Variants in KCNMA1 observed in about 807,000 individuals in gnomAD.
KCNMA1 encodes the protein Calcium-activated potassium channel subunit alpha-1.
In KCNMA1, 29 loss-of-function variants were observed where a neutral mutation model predicts 140.0. The observed-to-expected ratio is 0.21, with a 90% CI of 0.15 to 0.28. KCNMA1 has a LOEUF of 0.28. Ranked by LOEUF, KCNMA1 falls within the 10% of genes least tolerant of loss-of-function variation. The pLI, the probability that KCNMA1 is intolerant of heterozygous loss-of-function variation, is 1.00. For missense variants in KCNMA1, 880 were observed against 1,602.2 expected (o/e 0.55, Z 7.70); for synonymous variants, 612 against 611.9 (o/e 1.00, Z 0.00).
chr10:77,615,074 G>A (rs146856894), intron 1 of KCNMA1, among the ~76,000 whole-genome samples: 62 of 152,298 alleles, frequency 4.1e-4, no homozygotes, highest in African/African-American at 1.3e-3. Flanking sequence ...ACAAATACCA[G>A]ATGTTAAGCA....
chr10:77,016,431 T>C (rs2092055855), intron 17 of KCNMA1, among the ~76,000 whole-genome samples: 1 of 152,190 alleles, frequency 6.6e-6, no homozygotes, highest in Non-Finnish European at 1.5e-5. Context: ...GTATAGAGCC[T>C]TCTAAATGTA....
chr10:77,448,680 T>A (rs1260805511), intron 1 of KCNMA1, among the ~76,000 whole-genome samples: 1 of 152,232 alleles, frequency 6.6e-6, no homozygotes, highest in African/African-American at 2.4e-5. Context: ...GAAATTTTTA[T>A]CAATAGTATA....
chr10:77,366,471 A>G (rs2094372154), intron 2 of KCNMA1, among the ~76,000 whole-genome samples: 1 of 152,118 alleles, frequency 6.6e-6, no homozygotes, highest in African/African-American at 2.4e-5. Context: ...GCCCGGCCAC[A>G]TGTGCTTTTT....
At chr10:76,999,323 C>A (rs887147094) in intron 19 of KCNMA1, among the ~76,000 whole-genome samples, 1 of 152,210 alleles carries the variant, frequency 6.6e-6, no homozygotes, top group Non-Finnish European at 1.5e-5. Context: ...CAAGACATGA[C>A]CAAGGGGCCC....
At chr10:77,470,196 G>C (rs2098120524) in intron 1 of KCNMA1, among the ~76,000 whole-genome samples, 1 of 152,136 alleles carries the variant, frequency 6.6e-6, no homozygotes, top group African/African-American at 2.4e-5. Flanking sequence ...GAAACAGGTG[G>C]AATTCTCAGT....
intron 5 of KCNMA1, among the ~76,000 whole-genome samples, chr10:77,182,536 G>A (rs2098811317): frequency 6.6e-6 from 1 of 152,194 alleles, no homozygotes; most frequent in Non-Finnish European, 1.5e-5. Context: ...TGGAGGCAAG[G>A]GGAAAAGATG....
intron 1 of KCNMA1, among the ~76,000 whole-genome samples, chr10:77,577,361 C>T (rs950942312): frequency 6.6e-6 from 1 of 152,126 alleles, no homozygotes; most frequent in East Asian, 1.9e-4. Context: ...ACTCTCTTAA[C>T]TGCCATGTAG....
chr10:77,272,174 C>T (rs1248489804), intron 2 of KCNMA1, among the ~76,000 whole-genome samples: 1 of 152,140 alleles, frequency 6.6e-6, no homozygotes. Context: ...TATTGCTTGC[C>T]TAACCTCAAA....
chr10:77,541,808 A>T (rs1351361517), intron 1 of KCNMA1, among the ~76,000 whole-genome samples: 1 of 152,186 alleles, frequency 6.6e-6, no homozygotes, highest in East Asian at 1.9e-4. Flanking sequence ...TTAACTCCAC[A>T]TGCCTAGGGG....
rs530487771 is a variant in KCNMA1 at position 77,119,035 on chromosome 10, G to T, written c.884+1938C>A. ...AAAAGGCTGTTTTGGGGCCCGGATGGCAGATGCCCAGACAGCCTTCCACCC... is the reference window on the plus strand; with the variant it reads ...AAAAGGCTGTTTTGGGGCCCGGATGTCAGATGCCCAGACAGCCTTCCACCC... On this transcript the variant is annotated intron_variant, in intron 6 of 27. Coordinates refer to ENST00000286628, the MANE Select transcript of KCNMA1 (RefSeq NM_001161352.2). 1.6e-4 allele frequency among the ~76,000 whole-genome samples: 25 copies of T among 152,312 alleles called. No individual in the cohort carries two copies. In the South Asian group the frequency reaches 5.0e-3, roughly 30 times the overall value.
chr10:77,111,555 G>A (rs1033648677), intron 7 of KCNMA1, among the ~76,000 whole-genome samples: 2 of 152,194 alleles, frequency 1.3e-5, no homozygotes, highest in Non-Finnish European at 1.5e-5. Context: ...TAAGGGCTGG[G>A]CAGGAGACTC....
At chr10:77,604,698 A>G (rs2083800088) in intron 1 of KCNMA1, among the ~76,000 whole-genome samples, 1 of 148,640 alleles carries the variant, frequency 6.7e-6, no homozygotes, top group Non-Finnish European at 1.5e-5. Context: ...CGCCCCCCAA[A>G]AAAAAGAGTT....
At chr10:76,973,812 C>G (rs1423020383) in intron 19 of KCNMA1, among the ~76,000 whole-genome samples, 1 of 149,102 alleles carries the variant, frequency 6.7e-6, no homozygotes, top group Non-Finnish European at 1.5e-5. Context: ...ACTGCAAACA[C>G]TGTGTCAGGG....
chr10:77,120,090 G>A (rs1202737652), intron 6 of KCNMA1, among the ~76,000 whole-genome samples: 1 of 152,200 alleles, frequency 6.6e-6, no homozygotes, highest in Non-Finnish European at 1.5e-5. Context: ...GAGGTGTCCT[G>A]TTTTTAATCA....
Position 76,891,557 on chromosome 10 carries a change from C to G in KCNMA1, c.3310G>C (p.Ala1104Pro). ...NRDRCRVAQL[A>P]LLDGPFADLG... is the part of the protein sequence containing the mutation. ...TCCGCAAATGGCCCATCGAGCAGAG[C>G]TAACTGGGCCACGCGGCAGCGGTCC... The change falls in exon 26 of 28, where the codon GCT becomes CCT. Residue 1104 changes from alanine (A) to proline (P), a missense_variant. Physicochemically the swap from Ala to Pro is conservative, Grantham distance 27. This residue lies in a region of KCNMA1 where 31 missense variants were observed against 38.8 expected (regional missense o/e 0.80). Transcript: ENST00000286628. The G allele has an allele frequency of 6.2e-7, 1 of 1,613,792 alleles. No individual in the cohort carries two copies. Among genetic ancestry groups the G allele is most frequent in the Non-Finnish European group, 8.5e-7 (1 of 1,180,020 alleles).
At chr10:77,004,394 C>T (rs918294455) in intron 18 of KCNMA1, among the ~76,000 whole-genome samples, 2 of 152,134 alleles carry the variant, frequency 1.3e-5, no homozygotes, top group South Asian at 2.1e-4. Flanking sequence ...GGCTCTTTTT[C>T]GCTACTGCTG....
intron 2 of KCNMA1, among the ~76,000 whole-genome samples, chr10:77,337,085 A>G (rs937715122): frequency 6.6e-6 from 1 of 152,168 alleles, no homozygotes; most frequent in African/African-American, 2.4e-5. Flanking sequence ...GAACTCGGAG[A>G]CAAGTCATCT....
chr10:77,383,252 A>G (rs989858690), intron 2 of KCNMA1, among the ~76,000 whole-genome samples: 5 of 151,832 alleles, frequency 3.3e-5, no homozygotes, highest in Non-Finnish European at 7.4e-5. Flanking sequence ...AGTCTGAGCA[A>G]GCCCTGGTGC....
At chr10:77,329,017 T>A (rs979990767) in intron 2 of KCNMA1, among the ~76,000 whole-genome samples, 4 of 152,038 alleles carry the variant, frequency 2.6e-5, no homozygotes, top group Non-Finnish European at 5.9e-5. Context: ...ATTTTTTGTA[T>A]TTTTAGTATG....
Sources: allele counts gnomAD v4.1 joint callset (sites outside exome capture counted in the v4.1 genomes callset), GRCh38; gene constraint gnomAD v4.1.1; regional missense constraint gnomAD v4.1.1; transcripts MANE v1.5; gene names NCBI Gene and HGNC (gene_info 2026-07-23, HGNC 2026-07-21).